EPC1: variants seen among roughly 807,000 people sequenced by gnomAD.
The protein encoded by EPC1 is enhancer of polycomb homolog 1.
Under a neutral mutation model 98.4 loss-of-function variants are expected in EPC1, and 12 were observed. That is an observed-to-expected ratio of 0.12 (90% CI 0.08 to 0.20). The LOEUF is 0.20. Ranked by LOEUF, EPC1 falls within the 10% of genes least tolerant of loss-of-function variation. The probability of loss-of-function intolerance (pLI) is 1.00; values close to 1 mark genes in which losing one functional copy is unlikely to be tolerated. For synonymous variants in EPC1, 357 were observed against 363.9 expected (o/e 0.98, Z 0.21); for missense variants, 729 against 990.5 (o/e 0.74, Z 3.54).
intron 1 of EPC1, among the ~76,000 whole-genome samples, chr10:32,342,060 C>T (rs1426140204): frequency 6.6e-6 from 1 of 152,134 alleles, no homozygotes; most frequent in African/African-American, 2.4e-5. Flanking sequence ...AAAGCTGAAA[C>T]ATTTTATTAA....
chr10:32,298,327 G>T (rs758540630), intron 2 of EPC1, among the ~76,000 whole-genome samples: 5 of 152,060 alleles, frequency 3.3e-5, no homozygotes, highest in Non-Finnish European at 7.3e-5. Context: ...TTCAAACAGC[G>T]TTTTAAAAAT....
At chr10:32,302,676 G>A (rs1835636686) in intron 2 of EPC1, among the ~76,000 whole-genome samples, 1 of 151,162 alleles carries the variant, frequency 6.6e-6, no homozygotes, top group South Asian at 2.1e-4. Flanking sequence ...GAGGGTGGGG[G>A]AGCGGCGCAA....
chr10:32,359,883 T>C (rs147438940), intron 1 of EPC1, among the ~76,000 whole-genome samples: 2,034 of 152,308 alleles, frequency 0.013, 42 homozygotes, highest in African/African-American at 0.045. Context: ...CATATGTTTG[T>C]ATCATTAGTA....
At chr10:32,281,591 A>G (rs913972012) in intron 10 of EPC1, 4 of 151,638 alleles carry the variant, frequency 2.6e-5, no homozygotes, top group African/African-American at 9.7e-5. Flanking sequence ...AACTTCCCCT[A>G]CTCCAGGCTC....
chr10:32,341,223 A>T (rs1838325433), intron 1 of EPC1, among the ~76,000 whole-genome samples: 1 of 152,244 alleles, frequency 6.6e-6, no homozygotes, highest in Non-Finnish European at 1.5e-5. Context: ...ACTTTTCAAG[A>T]AAATTGAGTA....
chr10:32,317,950 A>C (rs892109104), intron 1 of EPC1, among the ~76,000 whole-genome samples: 2 of 152,200 alleles, frequency 1.3e-5, no homozygotes, highest in African/African-American at 4.8e-5. Flanking sequence ...CAGGATGTAA[A>C]GTCAAGTGAC....
chr10:32,359,985 C>A (rs1395347969), intron 1 of EPC1, among the ~76,000 whole-genome samples: 2 of 151,026 alleles, frequency 1.3e-5, no homozygotes, highest in East Asian at 1.9e-4. Context: ...ATATTTCATA[C>A]TTTTGTATCA....
At chr10:32,350,845 G>A (rs754374928), upstream of EPC1, among the ~76,000 whole-genome samples, 1 of 152,050 alleles carries the variant, frequency 6.6e-6, no homozygotes, top group East Asian at 1.9e-4. Context: ...GTTTATGTTC[G>A]GTATGTATCC....
intron 1 of EPC1, among the ~76,000 whole-genome samples, chr10:32,343,604 A>T (rs1177596469): frequency 6.6e-6 from 1 of 151,948 alleles, no homozygotes; most frequent in Non-Finnish European, 1.5e-5. Flanking sequence ...CAAATCCTTC[A>T]ATTTACCACA....
intron 1 of EPC1, among the ~76,000 whole-genome samples, chr10:32,375,605 T>G (rs1227672393): frequency 1.3e-5 from 2 of 152,072 alleles, no homozygotes. Context: ...TATTTCTTTC[T>G]GCTTTCTGCA....
At chr10:32,344,910 A>G (rs1315020330) in intron 1 of EPC1, among the ~76,000 whole-genome samples, 1 of 152,232 alleles carries the variant, frequency 6.6e-6, no homozygotes, top group Non-Finnish European at 1.5e-5. Flanking sequence ...GGGACTGTCC[A>G]AAGTATTCAC....
Position 32,347,139 on chromosome 10 carries a change from G to C in EPC1, c.-224C>G. The stretch of plus-strand genomic sequence containing the variant: ...TTCAATACGCCATGGCCAACATGGC[G>C]GACATTAAAACTCCACTGTGCGCTC... On this transcript the variant is annotated 5_prime_UTR_variant, in exon 1 of 14. Coordinates refer to ENST00000319778, the MANE Select transcript of EPC1 (RefSeq NM_001272004.3). 7.0e-7 allele frequency: 1 copy of C among 1,423,950 alleles called. No homozygotes were observed. Among genetic ancestry groups the C allele is most frequent in the Non-Finnish European group, 9.1e-7 (1 of 1,093,282 alleles). The allele number at this position is 1,423,950 out of a possible 1,614,324, so 88.2% of individuals were successfully genotyped here.
intron 1 of EPC1, among the ~76,000 whole-genome samples, chr10:32,317,625 G>C (rs1836633027): frequency 6.6e-6 from 1 of 152,126 alleles, no homozygotes; most frequent in Non-Finnish European, 1.5e-5. Context: ...CTGGGTGACA[G>C]AGCAAGACTC....
At chr10:32,273,307 T>C in intron 10 of EPC1, 26 bp from the exon 11 acceptor site, 1 of 1,609,092 alleles carries the variant, frequency 6.2e-7, no homozygotes, top group Non-Finnish European at 8.5e-7. Context: ...AGAAACACTT[T>C]ATAAAAATGC....
At chr10:32,376,798 AAAT>A (rs1453283847) in intron 1 of EPC1, among the ~76,000 whole-genome samples, 2 of 152,158 alleles carry the variant, frequency 1.3e-5, no homozygotes, top group Non-Finnish European at 2.9e-5. Flanking sequence ...CTCTTTCAAA[AAAT>A]AATCTCTTCA....
intron 3 of EPC1, among the ~76,000 whole-genome samples, 181 bp downstream of exon 3, chr10:32,293,411 T>C (rs1834962698): frequency 6.6e-6 from 1 of 152,070 alleles, no homozygotes; most frequent in South Asian, 2.1e-4. Context: ...CACAGAAAAA[T>C]TTAAACATAT....
intron 5 of EPC1, 112 bp from the exon 6 acceptor site, chr10:32,291,434 T>G (rs1834844678): frequency 1.3e-6 from 1 of 795,856 alleles, no homozygotes; most frequent in Admixed American, 2.8e-5. Flanking sequence ...CTAATTAACA[T>G]ATCCATCACC....
intron 3 of EPC1, 106 bp from the exon 4 acceptor site, chr10:32,293,300 C>G (rs1834957811): frequency 7.5e-6 from 7 of 934,180 alleles, no homozygotes; most frequent in Non-Finnish European, 1.1e-5. Flanking sequence ...ACATTATTAA[C>G]AAATGGGAAA....
At chr10:32,373,916 A>G (rs1453226721) in intron 1 of EPC1, among the ~76,000 whole-genome samples, 1 of 152,220 alleles carries the variant, frequency 6.6e-6, no homozygotes, top group Non-Finnish European at 1.5e-5. Context: ...GTAGGGTTCT[A>G]TGTTAGTATG....
Sources: gnomAD v4.1 joint callset for allele counts (sites outside exome capture counted in the v4.1 genomes callset) on GRCh38, gnomAD v4.1.1 for gene constraint, MANE v1.5 for transcripts, NCBI Gene and HGNC (gene_info 2026-07-23, HGNC 2026-07-21) for gene names.